Variants in BARHL1 observed in about 807,000 individuals in gnomAD.
BARHL1 encodes the protein barH-like 1 homeobox protein.
In BARHL1, 2 loss-of-function variants were observed where a neutral mutation model predicts 20.1. The ratio of observed to expected loss-of-function variants is 0.10; its 90% confidence interval spans 0.04 to 0.31. The LOEUF is 0.31. Ranked by LOEUF, BARHL1 falls within the 10% of genes least tolerant of loss-of-function variation. BARHL1 has a pLI of 1.00. For missense variants in BARHL1, 397 were observed against 454.0 expected (o/e 0.87, Z 1.14); for synonymous variants, 213 against 209.9 (o/e 1.01, Z -0.13).
At chr9:132,589,121 C>T in intron 2 of BARHL1, 107 bp from the exon 3 acceptor site, 1 of 1,473,784 alleles carries the variant, frequency 6.8e-7, no homozygotes, top group Non-Finnish European at 9.0e-7. Flanking sequence ...TGAGTACGAT[C>T]CCTCTTGGCC....
chr9:132,584,304 A>C (rs1438814148), intron 1 of BARHL1, among the ~76,000 whole-genome samples: 3 of 152,230 alleles, frequency 2.0e-5, no homozygotes, highest in African/African-American at 4.8e-5. Flanking sequence ...CAGAAGGTGA[A>C]GAGGAGTATG....
chr9:132,582,725 G>A lies in BARHL1; in HGVS notation c.-73G>A. The stretch of plus-strand genomic sequence containing the variant: ...CCTTCCCCATGCCAGCCCGCAGCTA[G>A]GGGCAGGGGCAGCGGCGGCTGGGGT... On this transcript the variant is annotated 5_prime_UTR_variant, in exon 1 of 3. An upstream open reading frame in the 5' UTR loses its in-frame stop. Coordinates refer to ENST00000263610, the MANE Select transcript of BARHL1 (RefSeq NM_020064.4). 7.5e-7 allele frequency: 1 copy of A among 1,339,476 alleles called. No individual in the cohort carries two copies. The highest frequency in any genetic ancestry group is 1.0e-6 in the Non-Finnish European group (1 of 984,558). 83.0% of individuals were successfully genotyped at this position (1,339,476 alleles called of 1,614,324 possible). A position where few individuals can be genotyped will look rare whatever the true frequency, so the allele number is the denominator to read the frequency against.
chr9:132,583,302 G>A, intron 1 of BARHL1, 39 bp downstream of exon 1: 1 of 1,539,936 alleles, frequency 6.5e-7, no homozygotes, highest in Non-Finnish European at 8.8e-7. Context: ...GGGATGCTAT[G>A]TATCTAAAAA....
Position 132,587,827 on chromosome 9 carries a change from T to C in BARHL1, c.689+276T>C, listed in dbSNP as rs1288373409. Among the ~76,000 whole-genome samples the C allele has an allele frequency of 1.3e-5, 2 of 152,180 alleles. No homozygotes were observed. The highest frequency in any genetic ancestry group is 1.9e-4 in the East Asian group (1 of 5,178). On this transcript the variant is annotated intron_variant, in intron 2 of 2. Transcript: ENST00000263610. The surrounding 1 kb of genome is among the most constrained non-coding windows in gnomAD (Gnocchi z 5.5). ...CATAGGCCACTGAAAATCCAAGTCC[T>C]GCCCCAGCTCAGCCGGAGTGGGGGG...
chr9:132,582,698 C>A lies in BARHL1; in HGVS notation c.-100C>A. ...CCAAGGTGCCCGCAGGCTCCCTGCC[C>A]GCCTTCCCCATGCCAGCCCGCAGCT... is the stretch of plus-strand genomic sequence containing the variant. On this transcript the variant is annotated 5_prime_UTR_variant, in exon 1 of 3. Coordinates refer to ENST00000263610, the MANE Select transcript of BARHL1 (RefSeq NM_020064.4). The A allele has an allele frequency of 1.7e-6, 2 of 1,164,966 alleles. No individual in the cohort carries two copies. Among genetic ancestry groups the A allele is most frequent in the Non-Finnish European group, 2.4e-6 (2 of 833,202 alleles). 72.2% of individuals were successfully genotyped at this position (1,164,966 alleles called of 1,614,324 possible).
At position 132,587,001 on chromosome 9, in the gene BARHL1, C is replaced by T. The variant is rs756408442; in HGVS notation, c.467-328C>T. Among the ~76,000 whole-genome samples, 29 of 152,250 alleles carry T rather than the reference C, an allele frequency of 1.9e-4. No homozygotes were observed. The highest frequency in any genetic ancestry group is 3.5e-4 in the Non-Finnish European group (24 of 68,038). On this transcript the variant is annotated intron_variant, in intron 1 of 2. Coordinates refer to ENST00000263610, the MANE Select transcript of BARHL1 (RefSeq NM_020064.4). The surrounding 1 kb of genome is among the most constrained non-coding windows in gnomAD (Gnocchi z 5.5). ...GGCAGGCTGGGTCCGGTTCCATCGT[C>T]GCGGCTCCGTTTATCCCTCCAGGGA...
In BARHL1 at chr9:132,582,870, G is replaced by A. The variant is rs1830089835; in HGVS notation, c.73G>A (p.Gly25Arg). 1 of 1,612,798 alleles carries A rather than the reference G, an allele frequency of 6.2e-7. No individual in the cohort carries two copies. The highest frequency in any genetic ancestry group is 8.5e-7 in the Non-Finnish European group (1 of 1,179,870). Residue 25 changes from glycine to arginine, a missense_variant, in exon 1 of 3, where the codon GGG (glycine) becomes AGG (arginine). Physicochemically the swap from Gly to Arg is moderately radical, Grantham distance 125 (BLOSUM62 -2). Around this residue, in one of 3 missense-constraint regions of BARHL1, gnomAD observed 272 missense variants for 298.7 expected, o/e 0.91. Transcript: ENST00000263610. ...CGCGGGCAGCCCCGCCCTTCCCAAGGGGGACCCCTTGCTCGGGGACTGCCG... is the reference window on the plus strand; with the variant it reads ...CGCGGGCAGCCCCGCCCTTCCCAAGAGGGACCCCTTGCTCGGGGACTGCCG... ...HRAGSPALPK[G>R]DPLLGDCRSP...
rs552640547 is a variant in BARHL1 at position 132,589,085 on chromosome 9, C to T, written c.690-143C>T. ...ATGCACGTAAGGCGTGCGATGGTGC[C>T]TGGCACTCGGTTATTTATTAACAAA... On this transcript the variant is annotated intron_variant, in intron 2 of 2. Transcript: ENST00000263610. 6.1e-5 allele frequency: 86 copies of T among 1,412,202 alleles called. No homozygotes were observed. In the South Asian group the frequency reaches 1.3e-3, roughly 21 times the overall value. The allele number at this position is 1,412,202 out of a possible 1,614,324, so 87.5% of individuals were successfully genotyped here.
Position 132,587,390 on chromosome 9 carries a change from A to T in BARHL1, c.528A>T (p.Lys176Asn). ...SSRDSPPVRL[K>N]KPRKARTAFT... ...GGGACAGTCCCCCGGTGCGCCTGAAAAAGCCACGCAAGGCGCGCACGGCCT... is the reference window on the plus strand; with the variant it reads ...GGGACAGTCCCCCGGTGCGCCTGAATAAGCCACGCAAGGCGCGCACGGCCT... The change falls in exon 2 of 3, where the codon AAA becomes AAT. Residue 176 changes from lysine (K) to asparagine (N), a missense_variant. By Grantham distance (94) the Lys-to-Asn change is moderately conservative (BLOSUM62 0). Transcript: ENST00000263610. This position sits in a 1 kb window ranked among gnomAD's most constrained non-coding sequence, Gnocchi z 5.5. 1 of 1,612,332 alleles carries T rather than the reference A, an allele frequency of 6.2e-7. No homozygotes were observed.
rs1830096754 is a variant in BARHL1 at position 132,583,400 on chromosome 9, T to C, written c.466+137T>C. The stretch of plus-strand genomic sequence containing the variant: ...GGCTCAGGTTGAGCAGTGGTTCTCC[T>C]CAGAACATTTCAGCCAGTCCTGTGG... On this transcript the variant is annotated intron_variant, in intron 1 of 2. Transcript: ENST00000263610. 9.7e-6 allele frequency: 7 copies of C among 718,272 alleles called. No homozygotes were observed. The South Asian group carries it at 1.1e-4, about 12-fold the overall frequency. The allele number at this position is 718,272 out of a possible 1,614,324, so 44.5% of individuals were successfully genotyped here.
intron 1 of BARHL1, among the ~76,000 whole-genome samples, chr9:132,583,589 A>T (rs1327266867): frequency 6.6e-6 from 1 of 152,208 alleles, no homozygotes; most frequent in Non-Finnish European, 1.5e-5. Flanking sequence ...GCAGGTCCCA[A>T]TCAGGCCAGT....
At position 132,589,631 on chromosome 9, in the gene BARHL1, G is replaced by C. The variant is rs1284041602; in HGVS notation, c.*109G>C. The C allele has an allele frequency of 1.6e-6, 2 of 1,217,878 alleles. No homozygotes were observed. Among genetic ancestry groups the C allele is most frequent in the Non-Finnish European group, 2.0e-6 (2 of 979,756 alleles). The allele number at this position is 1,217,878 out of a possible 1,614,324, so 75.4% of individuals were successfully genotyped here. A position where few individuals can be genotyped will look rare whatever the true frequency, so the allele number is the denominator to read the frequency against. ...CCTTTCCCGGGAGGGGGCCCTGCCCGGCCCTCCCTGGCGCCCCAGCCCAGT... is the reference window on the plus strand; with the variant it reads ...CCTTTCCCGGGAGGGGGCCCTGCCCCGCCCTCCCTGGCGCCCCAGCCCAGT... On this transcript the variant is annotated 3_prime_UTR_variant, in exon 3 of 3. Transcript: ENST00000263610.
chr9:132,589,150 G>A (rs1830178962), intron 2 of BARHL1, 78 bp from the exon 3 acceptor site: 4 of 1,523,986 alleles, frequency 2.6e-6, no homozygotes, highest in Non-Finnish European at 3.5e-6. Flanking sequence ...GGCTCTCTGG[G>A]CCAAGCAGTG....
chr9:132,589,184 GC>G, intron 2 of BARHL1, 43 bp from the exon 3 acceptor site: 1 of 1,554,836 alleles, frequency 6.4e-7, no homozygotes, highest in East Asian at 2.3e-5. Context: ...GTCGCTGGAT[GC>G]CCTAGCCCTG....
In BARHL1 at chr9:132,589,498, C is replaced by T. The variant is rs536275036; in HGVS notation, c.960C>T (p.Leu320=). ...PPPLPPLAGV[L]PRAAQPR ...CGCTGCCCCCCCTGGCCGGCGTCCT[C>T]CCACGCGCCGCGCAGCCTCGGTGAG... The change falls in exon 3 of 3, where the codon CTC becomes CTT. Residue 320 remains leucine, a synonymous_variant. Coordinates refer to ENST00000263610, the MANE Select transcript of BARHL1 (RefSeq NM_020064.4). 5.3e-4 allele frequency: 742 copies of T among 1,407,406 alleles called. 2 individuals carry two copies. In the African/African-American group the frequency reaches 9.7e-3, roughly 18 times the overall value. The allele number at this position is 1,407,406 out of a possible 1,614,324, so 87.2% of individuals were successfully genotyped here.
intron 1 of BARHL1, among the ~76,000 whole-genome samples, chr9:132,583,989 G>A (rs1020127728): frequency 6.6e-6 from 1 of 152,170 alleles, no homozygotes; most frequent in African/African-American, 2.4e-5. Context: ...TGAGTAACCA[G>A]CCTTTTCTCC....
In BARHL1 at chr9:132,589,364, G is replaced by T. The variant is rs754152922; in HGVS notation, c.826G>T (p.Ala276Ser). 1 of 1,613,078 alleles carries T rather than the reference G, an allele frequency of 6.2e-7. No individual in the cohort carries two copies. The highest frequency in any genetic ancestry group is 1.7e-5 in the Admixed American group (1 of 60,010). ...GGTTTCCAACCTGGACCCCGGCGCG[G>T]CGCTCTACCTGTACCGCGGCCCCAG... Reference protein sequence around the residue: ...SLVSNLDPGAALYLYRGPSAP... With the variant: ...SLVSNLDPGASLYLYRGPSAP... The change falls in exon 3 of 3, where the codon GCG becomes TCG. Residue 276 changes from alanine (A) to serine (S), a missense_variant. Ala to Ser is a moderately conservative substitution (Grantham distance 99). This residue lies in a region of BARHL1 where 121 missense variants were observed against 135.9 expected (regional missense o/e 0.89). Coordinates refer to ENST00000263610, the MANE Select transcript of BARHL1 (RefSeq NM_020064.4).
intron 2 of BARHL1, among the ~76,000 whole-genome samples, chr9:132,588,385 T>C (rs770849184): frequency 6.6e-6 from 1 of 152,160 alleles, no homozygotes; most frequent in Admixed American, 6.5e-5. Flanking sequence ...TAATAATAAA[T>C]ACTGATTACT....
intron 1 of BARHL1, 28 bp downstream of exon 1, chr9:132,583,291 G>C: frequency 1.9e-6 from 3 of 1,570,844 alleles, no homozygotes; most frequent in Non-Finnish European, 2.6e-6. Flanking sequence ...GAAAACTTGG[G>C]GGGATGCTAT....
Sources: gnomAD v4.1 joint callset for allele counts (sites outside exome capture counted in the v4.1 genomes callset) on GRCh38, gnomAD v4.1.1 for gene constraint, gnomAD v4.1.1 regional missense constraint, Gnocchi (gnomAD v3.1) non-coding constraint, MANE v1.5 for transcripts, NCBI Gene and HGNC (gene_info 2026-07-23, HGNC 2026-07-21) for gene names.